The following ZNF697 variants were observed in gnomAD, a reference collection of about 807,000 sequenced individuals.
ZNF697 encodes the protein zinc finger protein 697.
ZNF697 carries 23 observed loss-of-function variants against 32.4 expected under a neutral mutation model. The ratio of observed to expected loss-of-function variants is 0.71; its 90% confidence interval spans 0.51 to 1.01. ZNF697 has a LOEUF of 1.01. ZNF697 is among the 50% of genes least tolerant of loss of function. The pLI, the probability that ZNF697 is intolerant of heterozygous loss-of-function variation, is 0.00. For missense variants in ZNF697, 930 were observed against 794.0 expected, an observed-to-expected ratio of 1.17 and a Z score of -2.06; for synonymous variants, 418 against 337.2, an observed-to-expected ratio of 1.24 and a Z score of -2.62.
chr1:119,639,454 C>G (rs1432594405), intron 1 of ZNF697, among the ~76,000 whole-genome samples: 3 of 152,136 alleles, frequency 2.0e-5, no homozygotes, highest in Admixed American at 1.3e-4. Flanking sequence ...GTCCCCTAAC[C>G]CCAGCCCAAA....
intron 1 of ZNF697, among the ~76,000 whole-genome samples, chr1:119,634,845 T>C (rs1648877835): frequency 6.6e-6 from 1 of 152,266 alleles, no homozygotes; most frequent in Non-Finnish European, 1.5e-5. Context: ...GAACTGTGAA[T>C]ACTAATTAGA....
At chr1:119,624,772 T>C (rs4659220) in intron 2 of ZNF697, among the ~76,000 whole-genome samples, 48,131 of 151,726 alleles carry the variant, frequency 0.32, 8,083 homozygotes, top group African/African-American at 0.44. Flanking sequence ...CTTGTATTTT[T>C]AGTAGACATG....
Position 119,622,643 on chromosome 1 carries a change from C to G in ZNF697, c.*62G>C. ...CCTTCCCCACTTCCTTCCCCTGGGT[C>G]AGTCCCAGGATATCTACCCCCCACA... On this transcript the variant is annotated 3_prime_UTR_variant, in exon 3 of 3. Transcript: ENST00000421812. 2.8e-6 allele frequency: 4 copies of G among 1,444,112 alleles called. No individual in the cohort carries two copies. Among genetic ancestry groups the G allele is most frequent in the Non-Finnish European group, 2.7e-6 (3 of 1,101,374 alleles). The allele number at this position is 1,444,112 out of a possible 1,614,324, so 89.5% of individuals were successfully genotyped here.
chr1:119,635,955 A>G (rs1015568494), intron 1 of ZNF697, among the ~76,000 whole-genome samples: 17 of 152,114 alleles, frequency 1.1e-4, no homozygotes, highest in African/African-American at 4.1e-4. Flanking sequence ...AAGCTCACAG[A>G]TATTTTCTGT....
Position 119,622,689 on chromosome 1 carries a change from C to T in ZNF697, c.*16G>A, listed in dbSNP as rs2101075975. 6.7e-7 allele frequency: 1 copy of T among 1,496,684 alleles called. No homozygotes were observed. The highest frequency in any genetic ancestry group is 2.5e-5 in the East Asian group (1 of 40,442). The allele number at this position is 1,496,684 out of a possible 1,614,324, so 92.7% of individuals were successfully genotyped here. On this transcript the variant is annotated 3_prime_UTR_variant, in exon 3 of 3. Coordinates refer to ENST00000421812, the MANE Select transcript of ZNF697 (RefSeq NM_001080470.2). ...CCACAGGCTCCCCAGACGGCAGCCT[C>T]CCGCGGACCCAGCCCCTAACACAGG...
chr1:119,635,539 C>T (rs1438300203), intron 1 of ZNF697, among the ~76,000 whole-genome samples: 2 of 152,254 alleles, frequency 1.3e-5, no homozygotes, highest in East Asian at 3.9e-4. Flanking sequence ...CACTCCAAAC[C>T]AAGAAGGAAT....
Position 119,623,958 on chromosome 1 carries a change from G to A in ZNF697, c.385C>T (p.Leu129=). ...DDDESAGENR[L]EEEEEQPAPP... is the part of the protein sequence containing the mutation. ...GCCGGCTGCTCCTCTTCCTCCTCCAGCCGGTTCTCCCCAGCACTCTCGTCG... is the reference window on the plus strand; with the variant it reads ...GCCGGCTGCTCCTCTTCCTCCTCCAACCGGTTCTCCCCAGCACTCTCGTCG... Residue 129 remains leucine, a synonymous_variant, in exon 3 of 3, where the codon CTG becomes TTG. Coordinates refer to ENST00000421812, the MANE Select transcript of ZNF697 (RefSeq NM_001080470.2). 1 of 1,604,414 alleles carries A rather than the reference G, an allele frequency of 6.2e-7. No homozygotes were observed. The highest frequency in any genetic ancestry group is 8.5e-7 in the Non-Finnish European group (1 of 1,175,682).
In ZNF697 at chr1:119,622,170, A is replaced by G. The variant is rs1158842808; in HGVS notation, c.*535T>C. 1 of 152,882 alleles carries G rather than the reference A, an allele frequency of 6.5e-6. No individual in the cohort carries two copies. Among genetic ancestry groups the G allele is most frequent in the Non-Finnish European group, 1.5e-5 (1 of 68,254 alleles). 9.5% of individuals were successfully genotyped at this position (152,882 alleles called of 1,614,324 possible). ...TGTGGCTCAGAGAAAGGAAAAGTACATTAAATATCCTGTCCTATGTGACTG... is the reference window on the plus strand; with the variant it reads ...TGTGGCTCAGAGAAAGGAAAAGTACGTTAAATATCCTGTCCTATGTGACTG... On this transcript the variant is annotated 3_prime_UTR_variant, in exon 3 of 3. Transcript: ENST00000421812.
rs1382825900 is a variant in ZNF697, at chr1:119,633,379, T to TGTGC, written c.-37-7243_-37-7242insGCAC. ...GGATGTGTGTGTGTGTGTGTGTGTG[T>TGTGC]GTGTGTGTGTGTGTATAGAGAGAGA... On this transcript the variant is annotated intron_variant, in intron 1 of 2. Coordinates refer to ENST00000421812, the MANE Select transcript of ZNF697 (RefSeq NM_001080470.2). 7.9e-5 allele frequency among the ~76,000 whole-genome samples: 12 copies of TGTGC among 151,988 alleles called. No homozygotes were observed. The East Asian group carries it at 2.3e-3, about 29-fold the overall frequency.
intron 1 of ZNF697, among the ~76,000 whole-genome samples, chr1:119,631,601 T>TTGGGCCCCGCC (rs922559370): frequency 3.4e-5 from 2 of 59,430 alleles, no homozygotes; most frequent in Non-Finnish European, 6.9e-5. Context: ...TGGGCCCCGC[T>TTGGGCCCCGCC]TGGGCCCCGC....
chr1:119,637,942 TGAGAGAGAGAGAGAGAAAGAGACA>T lies in ZNF697; in HGVS notation c.-38+9725_-38+9748del, dbSNP rs1488643411. 4.0e-5 allele frequency among the ~76,000 whole-genome samples: 6 copies of T among 149,840 alleles called. No homozygotes were observed. The East Asian group carries it at 5.8e-4, about 15-fold the overall frequency. Reference sequence around the variant, plus strand: ...GTCATCGTCTGTGTGTGTGTATGTGTGAGAGAGAGAGAGAGAAAGAGACAGAGAGAGAGAGAGAGAAAAGAGAGA... The same window carrying T: ...GTCATCGTCTGTGTGTGTGTATGTGTGAGAGAGAGAGAGAGAAAAGAGAGA... On this transcript the variant is annotated intron_variant, in intron 1 of 2. Coordinates refer to ENST00000421812, the MANE Select transcript of ZNF697 (RefSeq NM_001080470.2).
chr1:119,641,443 A>T (rs189371460), intron 1 of ZNF697, among the ~76,000 whole-genome samples: 9 of 152,232 alleles, frequency 5.9e-5, no homozygotes, highest in Admixed American at 5.9e-4. Flanking sequence ...TTGCAAAAAA[A>T]TATATATGAT....
At position 119,648,224 on chromosome 1, in the gene ZNF697, GGCTGGCTGGCTC is replaced by G. The variant is rs1398328692; in HGVS notation, c.-583_-572del. ...TGGTTGGCTGGCTGGCTGGCTGGCT[GGCTGGCTGGCTC>G]GCTGGCTGGCTGCCCGGCTGACTCC... On this transcript the variant is annotated 5_prime_UTR_variant, in exon 1 of 3. Coordinates refer to ENST00000421812, the MANE Select transcript of ZNF697 (RefSeq NM_001080470.2). 6.6e-6 allele frequency among the ~76,000 whole-genome samples: 1 copy of G among 150,664 alleles called. No individual in the cohort carries two copies. The highest frequency in any genetic ancestry group is 6.6e-5 in the Admixed American group (1 of 15,218).
chr1:119,624,227 A>AT, intron 2 of ZNF697, 111 bp from the exon 3 acceptor site: 1 of 1,308,176 alleles, frequency 7.6e-7, no homozygotes. Flanking sequence ...GGCACTCTGG[A>AT]TCCCTGCCCC....
At position 119,648,202 on chromosome 1, in the gene ZNF697, TTGGCTGGCTGGCTGGC is replaced by T. The variant is rs587734493; in HGVS notation, c.-565_-550del. Among the ~76,000 whole-genome samples the T allele has an allele frequency of 4.0e-5, 6 of 150,402 alleles. No individual in the cohort carries two copies. Among genetic ancestry groups the T allele is most frequent in the South Asian group, 2.1e-4 (1 of 4,746 alleles). Reference sequence around the variant, plus strand: ...GCTGGGTGGCCCGCTGGCTGGCTGGTTGGCTGGCTGGCTGGCTGGCTGGCTGGCTGGCTCGCTGGCT... The same window carrying T: ...GCTGGGTGGCCCGCTGGCTGGCTGGTTGGCTGGCTGGCTGGCTCGCTGGCT... On this transcript the variant is annotated 5_prime_UTR_variant, in exon 1 of 3. Transcript: ENST00000421812.
In ZNF697 at chr1:119,622,861, C is replaced by G. The variant is rs753726128; in HGVS notation, c.1482G>C (p.Thr494=). The G allele has an allele frequency of 1.2e-6, 2 of 1,609,844 alleles. No homozygotes were observed. The highest frequency in any genetic ancestry group is 2.2e-5 in the East Asian group (1 of 44,694). The change falls in exon 3 of 3, where the codon ACG becomes ACC. Residue 494 remains threonine (T), a synonymous_variant. Coordinates refer to ENST00000421812, the MANE Select transcript of ZNF697 (RefSeq NM_001080470.2). ...TAAAGCTCTTGCCGCACTCGATGCACGTGTAGGGCTTCTCGCCCGTGTGCG... is the reference window on the plus strand; with the variant it reads ...TAAAGCTCTTGCCGCACTCGATGCAGGTGTAGGGCTTCTCGCCCGTGTGCG... ...QRTHTGEKPY[T]CIECGKSFIQ...
At position 119,623,085 on chromosome 1, in the gene ZNF697, C is replaced by T. The variant is rs918363378; in HGVS notation, c.1258G>A (p.Val420Ile). The T allele has an allele frequency of 1.9e-6, 3 of 1,580,718 alleles. No homozygotes were observed. The highest frequency in any genetic ancestry group is 2.3e-5 in the East Asian group (1 of 42,618). The change falls in exon 3 of 3, where the codon GTC becomes ATC. Residue 420 changes from valine to isoleucine, a missense_variant. Physicochemically the swap from Val to Ile is conservative, Grantham distance 29. Transcript: ENST00000421812. ...TTGTGCGTGAAGAGGTGCGAGCTGA[C>T]GCTGAAGGTCTCGCCGCACTCGGAG... ...MCSECGETFSVSSHLFTHKRT... is the reference protein window; with the variant it reads ...MCSECGETFSISSHLFTHKRT...
intron 1 of ZNF697, among the ~76,000 whole-genome samples, chr1:119,628,745 TG>T (rs1397050076): frequency 6.6e-6 from 1 of 152,154 alleles, no homozygotes; most frequent in Non-Finnish European, 1.5e-5. Flanking sequence ...CAGCACATCA[TG>T]GGGTTTTAGG....
In ZNF697 at chr1:119,623,540, T is replaced by C. The variant is rs1305714479; in HGVS notation, c.803A>G (p.Lys268Arg). The C allele has an allele frequency of 6.5e-7, 1 of 1,547,220 alleles. No individual in the cohort carries two copies. The highest frequency in any genetic ancestry group is 8.7e-7 in the Non-Finnish European group (1 of 1,148,878). ...CAGGTAGGTGTTGCGGCTGAAGCCC[T>C]TGCCGCACTCCCCGCAGCGGAAGGG... ...EKPFRCGECGKGFSRNTYLTN... is the reference protein window; with the variant it reads ...EKPFRCGECGRGFSRNTYLTN... Residue 268 changes from lysine to arginine, a missense_variant, in exon 3 of 3, where the codon AAG becomes AGG. Transcript: ENST00000421812.
Sources: allele counts gnomAD v4.1 joint callset (sites outside exome capture counted in the v4.1 genomes callset), GRCh38; gene constraint gnomAD v4.1.1; transcripts MANE v1.5; gene names NCBI Gene and HGNC (gene_info 2026-07-23, HGNC 2026-07-21).